The following DLGAP2 variants were observed in gnomAD, a reference collection of about 807,000 sequenced individuals.
DLGAP2 encodes the protein disks large-associated protein 2.
A neutral mutation model predicts 100.3 loss-of-function variants in DLGAP2; 26 were observed. That is an observed-to-expected ratio of 0.26 (90% CI 0.19 to 0.36). The LOEUF is 0.36. DLGAP2 is among the 10% of genes least tolerant of loss of function. The probability of loss-of-function intolerance (pLI) is 1.00; values close to 1 mark genes in which losing one functional copy is unlikely to be tolerated. For missense variants in DLGAP2, 1,858 were observed against 1,453.2 expected (o/e 1.28, Z -4.53); for synonymous variants, 886 against 630.1 (o/e 1.41, Z -6.08).
intron 6 of DLGAP2, chr8:1,622,459 T>C (rs888797338): frequency 6.6e-6 from 1 of 152,208 alleles, no homozygotes; most frequent in Non-Finnish European, 1.5e-5. Context: ...TACCCTTTGT[T>C]ATGTATATTC....
intron 3 of DLGAP2, among the ~76,000 whole-genome samples, chr8:1,352,296 G>T (rs1320278957): frequency 7.0e-6 from 1 of 142,912 alleles, no homozygotes; most frequent in African/African-American, 2.6e-5. Context: ...TCCTGAGCGT[G>T]TGTGTGGAAA....
chr8:867,561 C>T (rs12681023), intron 1 of DLGAP2, among the ~76,000 whole-genome samples: 1,592 of 152,264 alleles, frequency 0.01, 43 homozygotes, highest in Admixed American at 0.057. Flanking sequence ...CAGGCTGGAC[C>T]TGGTGGTAGC....
chr8:834,201 T>C (rs757765809), intron 1 of DLGAP2, among the ~76,000 whole-genome samples: 6 of 152,202 alleles, frequency 3.9e-5, no homozygotes, highest in Non-Finnish European at 8.8e-5. Context: ...GAGTAGACCA[T>C]GGGCTGACGA....
chr8:1,069,263 G>T (rs1034080912), intron 2 of DLGAP2, among the ~76,000 whole-genome samples: 12 of 152,162 alleles, frequency 7.9e-5, no homozygotes, highest in African/African-American at 2.9e-4. Context: ...AGGTGGTGGG[G>T]GCTGCCAGCT....
intron 2 of DLGAP2, among the ~76,000 whole-genome samples, chr8:958,323 C>A (rs1362074310): frequency 2.0e-5 from 3 of 152,062 alleles, no homozygotes; most frequent in Admixed American, 6.5e-5. Flanking sequence ...CCATTTCTGC[C>A]TTTGGCTGTT....
chr8:1,674,181 G>A (rs1439186277), intron 10 of DLGAP2, among the ~76,000 whole-genome samples: 1 of 152,064 alleles, frequency 6.6e-6, no homozygotes, highest in Non-Finnish European at 1.5e-5. Context: ...AGCCTCCCGA[G>A]TAGCTTGTCC....
chr8:1,182,512 C>T (rs999551879), intron 2 of DLGAP2, among the ~76,000 whole-genome samples: 1 of 152,210 alleles, frequency 6.6e-6, no homozygotes, highest in African/African-American at 2.4e-5. Flanking sequence ...AATGAGCGTG[C>T]ATTTAATGCT....
At chr8:796,178 G>A (rs1796032972) in intron 1 of DLGAP2, among the ~76,000 whole-genome samples, 3 of 152,202 alleles carry the variant, frequency 2.0e-5, no homozygotes, top group Non-Finnish European at 4.4e-5. Context: ...GAGAACAGGT[G>A]TCCAGTGTGA....
At chr8:1,376,901 G>A (rs576501050) in intron 3 of DLGAP2, among the ~76,000 whole-genome samples, 26 of 152,338 alleles carry the variant, frequency 1.7e-4, no homozygotes, top group African/African-American at 5.3e-4. Context: ...GGCCCACATC[G>A]AAGGATTTGT....
intron 1 of DLGAP2, among the ~76,000 whole-genome samples, chr8:761,032 G>A (rs935503984): frequency 2.6e-5 from 4 of 152,198 alleles, no homozygotes; most frequent in Non-Finnish European, 5.9e-5. Context: ...TGACATGGTC[G>A]GTCCTGGCTA....
At chr8:1,122,697 C>G (rs1403545431) in intron 2 of DLGAP2, among the ~76,000 whole-genome samples, 1 of 151,852 alleles carries the variant, frequency 6.6e-6, no homozygotes, top group Admixed American at 6.6e-5. Context: ...AAAGTAGAAG[C>G]TATACTCCCT....
At chr8:1,635,537 T>C (rs1201564283) in intron 8 of DLGAP2, among the ~76,000 whole-genome samples, 1 of 152,216 alleles carries the variant, frequency 6.6e-6, no homozygotes, top group African/African-American at 2.4e-5. Flanking sequence ...AGAGAGGTTA[T>C]TTTGACAGAT....
At chr8:1,329,476 C>G (rs1275707929) in intron 3 of DLGAP2, among the ~76,000 whole-genome samples, 2 of 152,162 alleles carry the variant, frequency 1.3e-5, no homozygotes, top group African/African-American at 4.8e-5. Flanking sequence ...TTTTTCAAAT[C>G]TATCATTTCT....
chr8:1,692,699 TAAG>T (rs1799283780), intron 13 of DLGAP2, among the ~76,000 whole-genome samples: 1 of 152,016 alleles, frequency 6.6e-6, no homozygotes, highest in Admixed American at 6.6e-5. Context: ...ATGAAGAGAT[TAAG>T]AAGAGATTTT....
intron 1 of DLGAP2, among the ~76,000 whole-genome samples, chr8:885,948 T>C (rs1797913578): frequency 6.6e-6 from 1 of 152,206 alleles, no homozygotes; most frequent in Admixed American, 6.5e-5. Flanking sequence ...TCCTTTTCAA[T>C]TGTTTGGAAT....
intron 3 of DLGAP2, among the ~76,000 whole-genome samples, chr8:1,385,013 C>T (rs1434562472): frequency 5.5e-5 from 5 of 90,254 alleles, no homozygotes; most frequent in East Asian, 3.8e-4. Flanking sequence ...GGCCTATGCC[C>T]GGCCCCTGAG....
At chr8:1,631,564 G>C (rs1252399837) in intron 7 of DLGAP2, among the ~76,000 whole-genome samples, 1 of 152,192 alleles carries the variant, frequency 6.6e-6, no homozygotes, top group Admixed American at 6.5e-5. Flanking sequence ...GGTTGTGCCT[G>C]CCTGGGTTTG....
At chr8:931,093 G>A (rs1008228986) in intron 2 of DLGAP2, among the ~76,000 whole-genome samples, 2 of 151,672 alleles carry the variant, frequency 1.3e-5, no homozygotes, top group African/African-American at 4.8e-5. Flanking sequence ...TTTTGCAGCT[G>A]AATAGAAACG....
chr8:1,157,456 CTTTCAGTCTAAAGT>C (rs1796813240), intron 2 of DLGAP2, among the ~76,000 whole-genome samples: 1 of 152,140 alleles, frequency 6.6e-6, no homozygotes, highest in South Asian at 2.1e-4. Context: ...TTTTCATTCC[CTTTCAGTCTAAAGT>C]TTTCATTCCC....
Sources: gnomAD v4.1 joint callset for allele counts (sites outside exome capture counted in the v4.1 genomes callset) on GRCh38, gnomAD v4.1.1 for gene constraint, MANE v1.5 for transcripts, NCBI Gene and HGNC (gene_info 2026-07-23, HGNC 2026-07-21) for gene names.